Variants in KHDRBS2 observed in about 807,000 individuals in gnomAD.
KHDRBS2 encodes the protein KH RNA binding domain containing, signal transduction associated 2, also known as KH domain-containing, RNA-binding, signal transduction-associated protein 2.
A neutral mutation model predicts 44.3 loss-of-function variants in KHDRBS2; 26 were observed. The ratio of observed to expected loss-of-function variants is 0.59; its 90% CI spans 0.43 to 0.81. The LOEUF (loss-of-function observed/expected upper bound fraction) is 0.81. KHDRBS2 is among the 40% of genes least tolerant of loss of function. The pLI is 0.00. For missense variants in KHDRBS2, 476 were observed against 433.1 expected (o/e 1.10, Z -0.88); for synonymous variants, 194 against 151.1 (o/e 1.28, Z -2.08).
the KHDRBS2 span, among the ~76,000 whole-genome samples, chr6:61,545,503 G>C: frequency 2.4e-5 from 3 of 127,050 alleles, no homozygotes; most frequent in Admixed American, 7.7e-5. Context: ...GCTAATCTCT[G>C]TGTGTGTGTG....
intron 2 of KHDRBS2, among the ~76,000 whole-genome samples, chr6:62,112,403 T>TA (rs1305117471): frequency 6.6e-6 from 1 of 152,138 alleles, no homozygotes; most frequent in Non-Finnish European, 1.5e-5. Flanking sequence ...TCTATATCTC[T>TA]ACTCTAAGAA....
At chr6:62,198,893 T>C (rs148429286) in intron 1 of KHDRBS2, among the ~76,000 whole-genome samples, 1,700 of 152,192 alleles carry the variant, frequency 0.011, 34 homozygotes, top group African/African-American at 0.039. Context: ...TCCACCATGA[T>C]CAAGTGGGCT....
At chr6:61,967,174 T>C (rs1270899383) in intron 4 of KHDRBS2, among the ~76,000 whole-genome samples, 1 of 144,742 alleles carries the variant, frequency 6.9e-6, no homozygotes, top group East Asian at 2.0e-4. Flanking sequence ...AATGATTAGA[T>C]TGGAGTAGGA....
intron 2 of KHDRBS2, among the ~76,000 whole-genome samples, chr6:62,141,616 A>C (rs1036260853): frequency 1.3e-5 from 2 of 152,112 alleles, no homozygotes; most frequent in Non-Finnish European, 2.9e-5. Flanking sequence ...TAGTTCTTTG[A>C]AAAAATGTAT....
intron 1 of KHDRBS2, among the ~76,000 whole-genome samples, chr6:62,211,673 T>G (rs966832084): frequency 6.6e-5 from 10 of 152,178 alleles, no homozygotes; most frequent in Non-Finnish European, 1.3e-4. Flanking sequence ...CTTGCAAGAT[T>G]GTGGAAGAAA....
rs551852943 is a variant in KHDRBS2, at chr6:61,803,404, C to T, written c.811-70640G>A. Among the ~76,000 whole-genome samples, 12 of 152,212 alleles carry T rather than the reference C, an allele frequency of 7.9e-5. No individual in the cohort carries two copies. In the South Asian group the frequency reaches 1.5e-3, roughly 18 times the overall value. On this transcript the variant is annotated intron_variant, in intron 6 of 8. Transcript: ENST00000281156. ...CTGCAGCTGTGTGTTGAAAAAATTA[C>T]GTATTACTGAGAAGCACATGAACTC...
intron 2 of KHDRBS2, among the ~76,000 whole-genome samples, chr6:62,075,115 ATGC>A (rs1167382005): frequency 6.6e-6 from 1 of 151,888 alleles, no homozygotes; most frequent in Non-Finnish European, 1.5e-5. Flanking sequence ...TTTAACTCTT[ATGC>A]TATGGTCTGA....
rs571754976 is a variant in KHDRBS2 at position 61,847,383 on chromosome 6, T to A, written c.810+47252A>T. Reference sequence around the variant, plus strand: ...CCTAGGACTGTCTTTCTCAGGCACTTGGGAGCTAACTTTGGTGGGCATTTC... The same window carrying A: ...CCTAGGACTGTCTTTCTCAGGCACTAGGGAGCTAACTTTGGTGGGCATTTC... On this transcript the variant is annotated intron_variant, in intron 6 of 8. Coordinates refer to ENST00000281156, the MANE Select transcript of KHDRBS2 (RefSeq NM_152688.4). 1.3e-4 allele frequency among the ~76,000 whole-genome samples: 20 copies of A among 152,246 alleles called. 1 individual carries two copies. Among genetic ancestry groups the A allele is most frequent in the Admixed American group, 5.9e-4 (9 of 15,286 alleles).
intron 1 of KHDRBS2, among the ~76,000 whole-genome samples, chr6:62,264,337 C>T (rs1838837394): frequency 6.6e-6 from 1 of 151,778 alleles, no homozygotes; most frequent in African/African-American, 2.4e-5. Flanking sequence ...ACCAAAAATG[C>T]TTATTACCTA....
At chr6:61,793,983 G>A (rs1044198552) in intron 6 of KHDRBS2, among the ~76,000 whole-genome samples, 40 of 152,096 alleles carry the variant, frequency 2.6e-4, no homozygotes, top group Non-Finnish European at 3.4e-4. Context: ...TCGGTACTGT[G>A]TTATGATTCA....
chr6:61,601,798 C>T, the KHDRBS2 span, among the ~76,000 whole-genome samples: 1 of 152,126 alleles, frequency 6.6e-6, no homozygotes, highest in Non-Finnish European at 1.5e-5. Context: ...TGCTCTCCCA[C>T]CCTATAATCC....
chr6:62,249,029 ATGTC>A (rs1386687923), intron 1 of KHDRBS2, among the ~76,000 whole-genome samples: 2 of 152,104 alleles, frequency 1.3e-5, no homozygotes, highest in Admixed American at 1.3e-4. Context: ...ATTCAGGAAA[ATGTC>A]TGTGGAAAAG....
At chr6:62,096,817 A>G (rs1352151739) in intron 2 of KHDRBS2, among the ~76,000 whole-genome samples, 2 of 151,208 alleles carry the variant, frequency 1.3e-5, no homozygotes, top group Non-Finnish European at 3.0e-5. Flanking sequence ...TGTTTATTTT[A>G]TTTTATTTTT....
At chr6:61,581,750 A>G in the KHDRBS2 span, among the ~76,000 whole-genome samples, 4 of 151,246 alleles carry the variant, frequency 2.6e-5, no homozygotes, top group African/African-American at 9.7e-5. Context: ...CCAAGGAAAC[A>G]GAAATGGATA....
At chr6:61,673,328 A>G in the KHDRBS2 span, among the ~76,000 whole-genome samples, 22 of 152,010 alleles carry the variant, frequency 1.4e-4, no homozygotes, top group Admixed American at 1.3e-3. Context: ...TACTGAATGG[A>G]CAAAAACTAG....
chr6:62,285,883 C>A lies in KHDRBS2; in HGVS notation c.66G>T (p.Val22=), dbSNP rs1255807091. The A allele has an allele frequency of 2.5e-6, 4 of 1,613,228 alleles. No homozygotes were observed. In the African/African-American group the frequency reaches 5.3e-5, roughly 22 times the overall value. The change falls in exon 1 of 9, where the codon GTG becomes GTT. Residue 22 remains valine (V), a synonymous_variant. Transcript: ENST00000281156. ...CTTCTGCCAAAAGGCGCGACGCATG[C>A]ACAAAAGATGGATCCAGGCTATCTT... ...AEKDSLDPSF[V]HASRLLAEEI... is the part of the protein sequence containing the mutation.
At chr6:62,066,725 A>G (rs1266843955) in intron 2 of KHDRBS2, among the ~76,000 whole-genome samples, 1 of 151,684 alleles carries the variant, frequency 6.6e-6, no homozygotes, top group Non-Finnish European at 1.5e-5. Flanking sequence ...GCAGTTTTCT[A>G]GGGGACATAG....
At chr6:61,575,852 T>C in the KHDRBS2 span, among the ~76,000 whole-genome samples, 1 of 152,006 alleles carries the variant, frequency 6.6e-6, no homozygotes. Context: ...GTAACTCAGG[T>C]AAAAAAGACC....
chr6:61,635,121 C>A, the KHDRBS2 span, among the ~76,000 whole-genome samples: 1 of 152,048 alleles, frequency 6.6e-6, no homozygotes, highest in South Asian at 2.1e-4. Context: ...TACTTCATTG[C>A]ATCAGCATTT....
Sources: gnomAD v4.1 joint callset for allele counts (sites outside exome capture counted in the v4.1 genomes callset) on GRCh38, gnomAD v4.1.1 for gene constraint, MANE v1.5 for transcripts, NCBI Gene and HGNC (gene_info 2026-07-23, HGNC 2026-07-21) for gene names.